The following ANKS3 variants were observed in gnomAD, a reference collection of about 807,000 sequenced individuals.
ANKS3 encodes ankyrin repeat and SAM domain-containing protein 3.
A neutral mutation model predicts 80.7 loss-of-function variants in ANKS3; 62 were observed. That is an observed-to-expected ratio of 0.77 (90% CI 0.63 to 0.95). The LOEUF (loss-of-function observed/expected upper bound fraction) is 0.95, where lower values mean the gene tolerates loss of function less well. ANKS3 is among the 40% of genes least tolerant of loss of function. The pLI is 0.00. For synonymous variants in ANKS3, 489 were observed against 355.3 expected, an observed-to-expected ratio of 1.38 and a Z score of -4.23; for missense variants, 1,150 against 883.6, an observed-to-expected ratio of 1.30 and a Z score of -3.82.
At chr16:4,709,228 GA>G (rs2080360670) in intron 7 of ANKS3, among the ~76,000 whole-genome samples, 1 of 151,812 alleles carries the variant, frequency 6.6e-6, no homozygotes, top group South Asian at 2.1e-4. Context: ...CCAACATGGA[GA>G]AACCCTGTCT....
chr16:4,697,454 C>G (rs2079627777), intron 15 of ANKS3, 38 bp from the exon 16 acceptor site: 1 of 1,506,702 alleles, frequency 6.6e-7, no homozygotes, highest in East Asian at 2.3e-5. Flanking sequence ...AGCTGGGGGT[C>G]TGCGTCCCCA....
rs1232387918 is a variant in ANKS3, at chr16:4,713,262, C to A, written c.709+789G>T. Among the ~76,000 whole-genome samples the A allele has an allele frequency of 2.0e-5, 3 of 151,982 alleles. No individual in the cohort carries two copies. In the South Asian group the frequency reaches 6.2e-4, roughly 32 times the overall value. On this transcript the variant is annotated intron_variant, in intron 7 of 17. Transcript: ENST00000304283. Reference sequence around the variant, plus strand: ...CAGCCTGAGCAACAAGAGCGAAACTCCCGTATCAAAAAAAAAACAAAAGTT... The same window carrying A: ...CAGCCTGAGCAACAAGAGCGAAACTACCGTATCAAAAAAAAAACAAAAGTT...
chr16:4,703,239 TG>T (rs1284264161), intron 8 of ANKS3, among the ~76,000 whole-genome samples: 1 of 152,236 alleles, frequency 6.6e-6, no homozygotes, highest in African/African-American at 2.4e-5. Flanking sequence ...CAGCCTCTCA[TG>T]TAACTGGGGC....
chr16:4,727,224 T>TG (rs774849166), intron 3 of ANKS3, 47 bp from the exon 4 acceptor site: 1 of 1,595,786 alleles, frequency 6.3e-7, no homozygotes, highest in Non-Finnish European at 8.6e-7. Flanking sequence ...GCCTCGCATG[T>TG]GGGGTTCACC....
rs376932229 is a variant in ANKS3, at chr16:4,701,420, G to T, written c.1119+14C>A. ...GGACCGGCTATGGGAGACCAAGAAA[G>T]AAAGAATCCGTACCTCGTTGCTCTC... On this transcript the variant is annotated intron_variant, in intron 10 of 17. Transcript: ENST00000304283. 7 of 1,582,506 alleles carry T rather than the reference G, an allele frequency of 4.4e-6. No homozygotes were observed. In the South Asian group the frequency reaches 4.5e-5, roughly 10 times the overall value.
intron 5 of ANKS3, among the ~76,000 whole-genome samples, chr16:4,725,652 T>G (rs2081309955): frequency 6.6e-6 from 1 of 152,186 alleles, no homozygotes; most frequent in African/African-American, 2.4e-5. Flanking sequence ...ATAAAACTCA[T>G]GACTGGTTTT....
chr16:4,704,403 T>A (rs1400222388), intron 8 of ANKS3, among the ~76,000 whole-genome samples: 1 of 151,778 alleles, frequency 6.6e-6, no homozygotes, highest in Non-Finnish European at 1.5e-5. Flanking sequence ...TATGAGTGGG[T>A]GACAGCCATC....
rs1184572120 is a variant in ANKS3, at chr16:4,724,845, G to A, written c.492-14C>T. 2 of 1,612,862 alleles carry A rather than the reference G, an allele frequency of 1.2e-6. No individual in the cohort carries two copies. Among genetic ancestry groups the A allele is most frequent in the African/African-American group, 1.3e-5 (1 of 74,886 alleles). On this transcript the variant is annotated splice_polypyrimidine_tract_variant and intron_variant, in intron 5 of 17. Transcript: ENST00000304283. ...CATATCGGCTCCCTGCAAGATGTGGGCCACAGTCAGATGATTGGAAGAGAC... is the reference window on the plus strand; with the variant it reads ...CATATCGGCTCCCTGCAAGATGTGGACCACAGTCAGATGATTGGAAGAGAC...
rs1567417677 is a variant in ANKS3 at position 4,721,629 on chromosome 16, T to TTG, written c.573+3120_573+3121insCA. Among the ~76,000 whole-genome samples, 30 of 50,822 alleles carry TTG rather than the reference T, an allele frequency of 5.9e-4. 1 individual carries two copies. The highest frequency in any genetic ancestry group is 4.5e-3 in the South Asian group (6 of 1,346). The allele number at this position is 50,822 out of a possible 152,430, so 33.3% of individuals were successfully genotyped here. A position where few individuals can be genotyped will look rare whatever the true frequency, so the allele number is the denominator to read the frequency against. On this transcript the variant is annotated intron_variant, in intron 6 of 17. Coordinates refer to ENST00000304283, the MANE Select transcript of ANKS3 (RefSeq NM_133450.4). ...CCATCTCTTTATTGATTTATTGATT[T>TTG]ATTTATTTATTTATTTATTTATTTA...
intron 6 of ANKS3, among the ~76,000 whole-genome samples, chr16:4,716,445 G>C (rs954309141): frequency 6.6e-6 from 1 of 151,932 alleles, no homozygotes; most frequent in Non-Finnish European, 1.5e-5. Flanking sequence ...GTTAGACCAG[G>C]GGGCCTCAAC....
In ANKS3 at chr16:4,730,092, T is replaced by G. The variant is rs144184006; in HGVS notation, c.58A>C (p.Met20Leu). The G allele has an allele frequency of 6.3e-7, 1 of 1,594,216 alleles. No individual in the cohort carries two copies. Reference protein sequence around the residue: ...EPELLNRSLSMWHGLGTQVSG... With the variant: ...EPELLNRSLSLWHGLGTQVSG... ...ACCTGTGTCCCGAGCCCGTGCCACA[T>G]GGACAAGCTGCGGTTCAGGAGTTCC... Residue 20 changes from methionine to leucine, a missense_variant, in exon 3 of 18, where the codon ATG (methionine) becomes CTG (leucine). Physicochemically the swap from Met to Leu is conservative, Grantham distance 15. Transcript: ENST00000304283.
chr16:4,715,989 G>A (rs574510921), intron 6 of ANKS3, among the ~76,000 whole-genome samples: 7 of 152,108 alleles, frequency 4.6e-5, no homozygotes, highest in African/African-American at 1.7e-4. Context: ...AAAACAGAGC[G>A]CCTCCCGCCC....
chr16:4,729,948 A>G, intron 3 of ANKS3, 32 bp downstream of exon 3: 1 of 1,450,108 alleles, frequency 6.9e-7, no homozygotes, highest in South Asian at 1.6e-5. Context: ...CGCTGCTCAA[A>G]ATGTGAGAGG....
At chr16:4,706,988 G>T (rs1174232528) in intron 7 of ANKS3, among the ~76,000 whole-genome samples, 1 of 152,168 alleles carries the variant, frequency 6.6e-6, no homozygotes, top group East Asian at 1.9e-4. Flanking sequence ...CGAGGCTCAA[G>T]CTCTGGCGAC....
chr16:4,727,669 G>A, intron 3 of ANKS3: 1 of 174,500 alleles, frequency 5.7e-6, no homozygotes, highest in Non-Finnish European at 1.2e-5. Context: ...CTAGCCCACT[G>A]CTGGGTGGAG....
chr16:4,724,371 T>C (rs938295943), intron 6 of ANKS3, among the ~76,000 whole-genome samples: 5 of 152,182 alleles, frequency 3.3e-5, no homozygotes, highest in Admixed American at 6.5e-5. Flanking sequence ...AGAGGAAAAG[T>C]CCTAGGGCAG....
chr16:4,709,657 G>C (rs1452293315), intron 7 of ANKS3, among the ~76,000 whole-genome samples: 2 of 152,138 alleles, frequency 1.3e-5, no homozygotes, highest in African/African-American at 2.4e-5. Flanking sequence ...GATCATTTGT[G>C]GCAACATGAA....
chr16:4,721,113 G>C (rs1014125371), intron 6 of ANKS3, among the ~76,000 whole-genome samples: 7 of 149,310 alleles, frequency 4.7e-5, no homozygotes, highest in South Asian at 2.1e-4. Flanking sequence ...AGACCATCCT[G>C]GCTAACGCGG....
intron 6 of ANKS3, among the ~76,000 whole-genome samples, chr16:4,723,745 T>C (rs898114667): frequency 6.6e-6 from 1 of 152,236 alleles, no homozygotes; most frequent in African/African-American, 2.4e-5. Context: ...CAATTATGAA[T>C]AATACTGCTA....
Sources: gnomAD v4.1 joint callset for allele counts (sites outside exome capture counted in the v4.1 genomes callset) on GRCh38, gnomAD v4.1.1 for gene constraint, MANE v1.5 for transcripts, NCBI Gene and HGNC (gene_info 2026-07-23, HGNC 2026-07-21) for gene names.